Variants in LRP4 observed in about 807,000 individuals in gnomAD.
LRP4 encodes the protein low-density lipoprotein receptor-related protein 4.
In LRP4, 95 loss-of-function variants were observed where a neutral mutation model predicts 220.3. The observed-to-expected ratio is 0.43, with a 90% CI of 0.37 to 0.51. LRP4 has a LOEUF of 0.51. Among genes scored for constraint, LRP4 ranks in the 20% least tolerant of loss-of-function variants. LRP4 has a pLI of 0.00. For synonymous variants in LRP4, 903 were observed against 954.6 expected, an observed-to-expected ratio of 0.95 and a Z score of 1.00; for missense variants, 1,925 against 2,567.0, an observed-to-expected ratio of 0.75 and a Z score of 5.40.
intron 1 of LRP4, among the ~76,000 whole-genome samples, chr11:46,909,301 A>T (rs910159790): frequency 6.6e-6 from 1 of 151,798 alleles, no homozygotes; most frequent in Admixed American, 6.6e-5. Flanking sequence ...AGCTATTAGG[A>T]TTACAATGAG....
chr11:46,904,579 C>T lies in LRP4; in HGVS notation c.53-1650G>A, dbSNP rs933104521. ...TCCCTGATGCTACAGGTATAATGTA[C>T]GTTTCTGGGGTAAGGGATCACAGCT... On this transcript the variant is annotated intron_variant, in intron 1 of 37. Coordinates refer to ENST00000378623, the MANE Select transcript of LRP4 (RefSeq NM_002334.4). Among the ~76,000 whole-genome samples, 23 of 152,190 alleles carry T rather than the reference C, an allele frequency of 1.5e-4. 1 individual carries two copies. The highest frequency in any genetic ancestry group is 6.8e-3 in the Middle Eastern group (2 of 294).
intron 7 of LRP4, among the ~76,000 whole-genome samples, chr11:46,897,847 A>G (rs905831070): frequency 5.1e-4 from 78 of 152,022 alleles, no homozygotes; most frequent in African/African-American, 1.8e-3. Flanking sequence ...ATTCCACAAA[A>G]CCGCCATTGT....
At chr11:46,912,919 T>C (rs948576180) in intron 1 of LRP4, among the ~76,000 whole-genome samples, 3 of 152,178 alleles carry the variant, frequency 2.0e-5, no homozygotes, top group Middle Eastern at 6.3e-3. Context: ...CTCAGCTAGA[T>C]GGGAGGTTTG....
At chr11:46,885,107 TC>T (rs1941256021) in intron 18 of LRP4, among the ~76,000 whole-genome samples, 1 of 151,856 alleles carries the variant, frequency 6.6e-6, no homozygotes, top group African/African-American at 2.4e-5. Flanking sequence ...CACTTCAGCC[TC>T]CCAAGTAGCT....
In LRP4 at chr11:46,890,825, C is replaced by T. The variant is rs1311853722; in HGVS notation, c.1698-331G>A. On this transcript the variant is annotated intron_variant, in intron 13 of 37. Transcript: ENST00000378623. The surrounding 1 kb of genome is among the most constrained non-coding windows in gnomAD (Gnocchi z 5.3). ...CCCAAGCTGGTCTCAAACTCCTGAG[C>T]TCAAGCAATCCTCCTGCTTTGTCCT... 6.6e-6 allele frequency among the ~76,000 whole-genome samples: 1 copy of T among 152,142 alleles called. No homozygotes were observed. Among genetic ancestry groups the T allele is most frequent in the Non-Finnish European group, 1.5e-5 (1 of 68,030 alleles).
intron 22 of LRP4, among the ~76,000 whole-genome samples, chr11:46,877,580 A>T (rs1450878822): frequency 1.3e-5 from 2 of 151,916 alleles, no homozygotes; most frequent in Non-Finnish European, 2.9e-5. Flanking sequence ...CGATCCTCCC[A>T]CCTCAGCCCC....
At chr11:46,910,736 C>T (rs1224590013) in intron 1 of LRP4, among the ~76,000 whole-genome samples, 1 of 127,710 alleles carries the variant, frequency 7.8e-6, no homozygotes, top group Admixed American at 1.0e-4. Context: ...TGCACTGGCA[C>T]AATCTCAGCT....
chr11:46,897,374 T>A (rs1941560188), intron 7 of LRP4, among the ~76,000 whole-genome samples: 1 of 148,412 alleles, frequency 6.7e-6, no homozygotes, highest in Admixed American at 6.7e-5. Flanking sequence ...TTTTATTTTT[T>A]TTTATTTTTT....
At position 46,894,824 on chromosome 11, in the gene LRP4, G is replaced by T. The variant is rs765994523; in HGVS notation, c.1310-5C>A. ...ACAGCAGCACAGGCTCTGGCCCTGG[G>T]AAACAGTATAAACATGGGATACCCA... On this transcript the variant is annotated splice_region_variant and splice_polypyrimidine_tract_variant and intron_variant, in intron 11 of 37. Coordinates refer to ENST00000378623, the MANE Select transcript of LRP4 (RefSeq NM_002334.4). The T allele has an allele frequency of 3.7e-6, 6 of 1,613,404 alleles. No individual in the cohort carries two copies. The highest frequency in any genetic ancestry group is 4.2e-6 in the Non-Finnish European group (5 of 1,179,362).
At chr11:46,867,581 C>G (rs1205874410) in intron 34 of LRP4, among the ~76,000 whole-genome samples, 1 of 152,224 alleles carries the variant, frequency 6.6e-6, no homozygotes, top group Non-Finnish European at 1.5e-5. Context: ...CCTGTCTCAG[C>G]CTCCAGAGTA....
At chr11:46,861,213 T>G (rs2134755684) in intron 37 of LRP4, among the ~76,000 whole-genome samples, 1 of 152,332 alleles carries the variant, frequency 6.6e-6, no homozygotes, top group Non-Finnish European at 1.5e-5. Flanking sequence ...TAAAAAATTT[T>G]TAATTTCAAT....
At chr11:46,916,012 C>T (rs1941941063) in intron 1 of LRP4, among the ~76,000 whole-genome samples, 1 of 152,114 alleles carries the variant, frequency 6.6e-6, no homozygotes, top group Non-Finnish European at 1.5e-5. Context: ...GTGAATCTGA[C>T]CCCCCAGACC....
intron 19 of LRP4, among the ~76,000 whole-genome samples, chr11:46,882,328 A>G (rs543338597): frequency 6.6e-6 from 1 of 152,000 alleles, no homozygotes; most frequent in East Asian, 1.9e-4. Flanking sequence ...CCAAAAAAAA[A>G]GGGCCAGATA....
At position 46,864,575 on chromosome 11, in the gene LRP4, A is replaced by G. The variant is rs749757513; in HGVS notation, c.5156-40T>C. The G allele has an allele frequency of 4.4e-6, 6 of 1,352,820 alleles. No homozygotes were observed. The South Asian group carries it at 7.0e-5, about 16-fold the overall frequency. The allele number at this position is 1,352,820 out of a possible 1,614,324, so 83.8% of individuals were successfully genotyped here. A position where few individuals can be genotyped will look rare whatever the true frequency, so the allele number is the denominator to read the frequency against. On this transcript the variant is annotated intron_variant, in intron 35 of 37. Coordinates refer to ENST00000378623, the MANE Select transcript of LRP4 (RefSeq NM_002334.4). The stretch of plus-strand genomic sequence containing the variant: ...GAAACACTAGGCAGGGGCCACCGAC[A>G]ACTTTCTAGCGGTGCTGGTGTGAGG...
At chr11:46,872,604 C>T (rs778995339) in intron 30 of LRP4, among the ~76,000 whole-genome samples, 16 of 151,988 alleles carry the variant, frequency 1.1e-4, no homozygotes, top group Admixed American at 2.6e-4. Context: ...ATTAGCTGGG[C>T]ATGGTGGCAT....
chr11:46,876,897 C>T, intron 23 of LRP4, 67 bp from the exon 24 acceptor site: 8 of 1,270,338 alleles, frequency 6.3e-6, no homozygotes, highest in Admixed American at 1.7e-5. Flanking sequence ...ACAGCTGATT[C>T]ATGTCTTGAA....
At chr11:46,892,899 A>G in intron 13 of LRP4, 74 bp downstream of exon 13, 2 of 1,551,606 alleles carry the variant, frequency 1.3e-6, no homozygotes, top group Admixed American at 3.6e-5. Context: ...TACTCCCAGA[A>G]TGTCTAGTCC....
chr11:46,870,299 A>C (rs892398435), intron 31 of LRP4, among the ~76,000 whole-genome samples: 7 of 152,180 alleles, frequency 4.6e-5, no homozygotes, highest in South Asian at 4.1e-4. Context: ...AACAAACAAA[A>C]AAAATGCTTT....
chr11:46,907,124 G>C (rs540403620), intron 1 of LRP4, among the ~76,000 whole-genome samples: 1 of 152,284 alleles, frequency 6.6e-6, no homozygotes, highest in South Asian at 2.1e-4. Flanking sequence ...ACAAATGACT[G>C]TGGGTGGCAA....
Sources: gnomAD v4.1 joint callset for allele counts (sites outside exome capture counted in the v4.1 genomes callset) on GRCh38, gnomAD v4.1.1 for gene constraint, Gnocchi (gnomAD v3.1) non-coding constraint, MANE v1.5 for transcripts, NCBI Gene and HGNC (gene_info 2026-07-23, HGNC 2026-07-21) for gene names.